The following EVI5 variants were observed in gnomAD, a reference collection of about 807,000 sequenced individuals.
The protein encoded by EVI5 is ecotropic viral integration site 5 protein homolog.
In EVI5, 73 loss-of-function variants were observed where a neutral mutation model predicts 112.0. That is an observed-to-expected ratio of 0.65 (90% CI 0.54 to 0.79). EVI5 has a LOEUF of 0.79. EVI5 is among the 30% of genes least tolerant of loss of function. The pLI is 0.00. For synonymous variants in EVI5, 305 were observed against 319.9 expected (o/e 0.95, Z 0.50); for missense variants, 900 against 968.8 (o/e 0.93, Z 0.94).
At chr1:92,761,915 C>A (rs772443061) in intron 1 of EVI5, among the ~76,000 whole-genome samples, 3 of 148,720 alleles carry the variant, frequency 2.0e-5, no homozygotes, top group Non-Finnish European at 2.9e-5. Context: ...AACGCCCATG[C>A]AATGTCTTGC....
At chr1:92,774,468 A>C (rs1210687384) in intron 1 of EVI5, among the ~76,000 whole-genome samples, 1 of 152,236 alleles carries the variant, frequency 6.6e-6, no homozygotes, top group Non-Finnish European at 1.5e-5. Context: ...TCATTTGAGC[A>C]CCAACTCAGA....
rs140505668 is a variant in EVI5 at position 92,647,779 on chromosome 1, G to A, written c.1393-11443C>T. 290 of 172,902 alleles carry A rather than the reference G, an allele frequency of 1.7e-3. 4 individuals are homozygous for A. Among genetic ancestry groups the A allele is most frequent in the African/African-American group, 6.3e-3 (265 of 42,122 alleles). The allele number at this position is 172,902 out of a possible 1,614,324, so 10.7% of individuals were successfully genotyped here. On this transcript the variant is annotated intron_variant, in intron 13 of 19. Transcript: ENST00000684568. ...GGGGGGTATAGAATTTCTCCCTGTC[G>A]CCCAGGCTGGAGTGCAGTGGCGCAA...
intron 1 of EVI5, among the ~76,000 whole-genome samples, chr1:92,769,821 A>T (rs1299053235): frequency 6.6e-6 from 1 of 152,166 alleles, no homozygotes; most frequent in African/African-American, 2.4e-5. Flanking sequence ...CGAGAGGCAG[A>T]GCCTGCAGTG....
chr1:92,772,361 C>A lies in EVI5; in HGVS notation c.-82+12475G>T, dbSNP rs187036539. ...CCTGTAATCCCAGCACTTTGGGAGGCCAAGGCGGGCTGATCACGAGGTCAG... is the reference window on the plus strand; with the variant it reads ...CCTGTAATCCCAGCACTTTGGGAGGACAAGGCGGGCTGATCACGAGGTCAG... On this transcript the variant is annotated intron_variant, in intron 1 of 19. Transcript: ENST00000684568. Among the ~76,000 whole-genome samples, 66 of 148,118 alleles carry A rather than the reference C, an allele frequency of 4.5e-4. No individual in the cohort carries two copies. In the East Asian group the frequency reaches 0.013, roughly 29 times the overall value.
At chr1:92,754,519 C>T (rs1414327544) in intron 1 of EVI5, among the ~76,000 whole-genome samples, 1 of 97,800 alleles carries the variant, frequency 1.0e-5, no homozygotes, top group Non-Finnish European at 2.5e-5. Flanking sequence ...CATGGCCTCT[C>T]ATGAGCTTGC....
intron 17 of EVI5, 167 bp downstream of exon 17, chr1:92,607,414 T>G: frequency 6.2e-5 from 28 of 454,280 alleles, no homozygotes; most frequent in Non-Finnish European, 7.9e-5. Context: ...AGAAGCAAGA[T>G]GAGCTGACCT....
In EVI5 at chr1:92,624,755, A is replaced by C. The variant is rs954014335; in HGVS notation, c.1669-421T>G. ...GGAGAAAAGAGAGACCTGAGAAGAA[A>C]GACAGGCAATTTTAGAATTCACTGC... On this transcript the variant is annotated intron_variant, in intron 15 of 19. Coordinates refer to ENST00000684568, the MANE Select transcript of EVI5 (RefSeq NM_001350197.2). Among the ~76,000 whole-genome samples the C allele has an allele frequency of 2.6e-5, 4 of 151,986 alleles. No individual in the cohort carries two copies. The East Asian group carries it at 7.7e-4, about 29-fold the overall frequency.
At chr1:92,691,339 A>G (rs890258169) in intron 9 of EVI5, among the ~76,000 whole-genome samples, 1 of 152,190 alleles carries the variant, frequency 6.6e-6, no homozygotes, top group African/African-American at 2.4e-5. Context: ...AAAAAAATAA[A>G]TATGACAAAA....
rs71091300 is a variant in EVI5 at position 92,766,096 on chromosome 1, AAATAATAATAATAATAAT to A, written c.-82+18722_-82+18739del. Reference sequence around the variant, plus strand: ...CTGGGTGACAGAGCAAGACCCTGCAAAATAATAATAATAATAATAATAATAATAATAATAATAATAATT... The same window carrying A: ...CTGGGTGACAGAGCAAGACCCTGCAAAATAATAATAATAATAATAATAATT... On this transcript the variant is annotated intron_variant, in intron 1 of 19. Transcript: ENST00000684568. Among the ~76,000 whole-genome samples the A allele has an allele frequency of 3.3e-3, 469 of 140,998 alleles. 2 individuals carry two copies. Among genetic ancestry groups the A allele is most frequent in the East Asian group, 0.01 (51 of 4,902 alleles). 92.5% of individuals were successfully genotyped at this position (140,998 alleles called of 152,430 possible). A position where few individuals can be genotyped will look rare whatever the true frequency, so the allele number is the denominator to read the frequency against.
chr1:92,731,732 TA>T (rs1482046589), intron 2 of EVI5, among the ~76,000 whole-genome samples: 9 of 152,218 alleles, frequency 5.9e-5, no homozygotes, highest in African/African-American at 1.7e-4. Flanking sequence ...AGCCCAGAAA[TA>T]GACTCATACA....
At chr1:92,760,213 A>C (rs1454932474) in intron 1 of EVI5, among the ~76,000 whole-genome samples, 2 of 152,226 alleles carry the variant, frequency 1.3e-5, no homozygotes, top group Non-Finnish European at 2.9e-5. Flanking sequence ...TAATCTGAAA[A>C]GATACAAAGT....
intron 2 of EVI5, among the ~76,000 whole-genome samples, chr1:92,731,463 T>A (rs916672557): frequency 1.3e-5 from 2 of 152,224 alleles, no homozygotes; most frequent in Non-Finnish European, 2.9e-5. Context: ...GAGAAATACA[T>A]TGTGTTCATG....
chr1:92,758,301 G>A (rs1029835491), intron 1 of EVI5, among the ~76,000 whole-genome samples: 2 of 152,080 alleles, frequency 1.3e-5, no homozygotes, highest in African/African-American at 4.8e-5. Flanking sequence ...GGGCGCGGTG[G>A]CTCATACCTG....
At chr1:92,737,130 C>G (rs1677576810) in intron 1 of EVI5, among the ~76,000 whole-genome samples, 1 of 152,082 alleles carries the variant, frequency 6.6e-6, no homozygotes, top group Non-Finnish European at 1.5e-5. Context: ...GTGTATTTAG[C>G]ATAAATAAAA....
In EVI5 at chr1:92,636,233, T is replaced by A; in HGVS notation, c.1496A>T (p.Glu499Val). 1.2e-6 allele frequency: 2 copies of A among 1,613,526 alleles called. No homozygotes were observed. The highest frequency in any genetic ancestry group is 1.7e-6 in the Non-Finnish European group (2 of 1,179,634). ...SEAESQCALK[E>V]MQDKVLDIEK... Reference sequence around the variant, plus strand: ...TATATCCAAGACTTTATCCTGCATCTCTTTTAATGCACACTGAGACTCAGC... The same window carrying A: ...TATATCCAAGACTTTATCCTGCATCACTTTTAATGCACACTGAGACTCAGC... Residue 499 changes from glutamate to valine, a missense_variant, in exon 14 of 20, where the codon GAG (glutamate) becomes GTG (valine). Transcript: ENST00000684568.
intron 18 of EVI5, among the ~76,000 whole-genome samples, chr1:92,592,003 G>T (rs1192830734): frequency 6.6e-6 from 1 of 152,180 alleles, no homozygotes; most frequent in Non-Finnish European, 1.5e-5. Flanking sequence ...CAGCACTTTG[G>T]GAGGCCAAGG....
chr1:92,542,694 TTAAA>T (rs1275049685), intron 19 of EVI5, among the ~76,000 whole-genome samples: 1 of 152,174 alleles, frequency 6.6e-6, no homozygotes, highest in East Asian at 1.9e-4. Flanking sequence ...AAATGATGTC[TTAAA>T]TAATAAGACT....
intron 13 of EVI5, among the ~76,000 whole-genome samples, chr1:92,653,270 C>T (rs1230314884): frequency 6.6e-6 from 1 of 152,170 alleles, no homozygotes; most frequent in Non-Finnish European, 1.5e-5. Context: ...ATGGCTGGAC[C>T]CAGGGAGCTG....
At chr1:92,744,235 T>TA (rs1483414438) in intron 1 of EVI5, among the ~76,000 whole-genome samples, 1 of 152,220 alleles carries the variant, frequency 6.6e-6, no homozygotes, top group Non-Finnish European at 1.5e-5. Flanking sequence ...AGAATGTGGT[T>TA]AATCTTGGCG....
Sources: allele counts gnomAD v4.1 joint callset (sites outside exome capture counted in the v4.1 genomes callset), GRCh38; gene constraint gnomAD v4.1.1; transcripts MANE v1.5; gene names NCBI Gene and HGNC (gene_info 2026-07-23, HGNC 2026-07-21).